The following HS3ST1 variants were observed in gnomAD, a reference collection of about 807,000 sequenced individuals.
HS3ST1 encodes the protein heparan sulfate-glucosamine 3-sulfotransferase 1.
In HS3ST1, 8 loss-of-function variants were observed where a neutral mutation model predicts 20.7. The ratio of observed to expected loss-of-function variants is 0.39; its 90% confidence interval spans 0.23 to 0.70. HS3ST1 has a LOEUF of 0.70. Ranked by LOEUF, HS3ST1 falls within the 30% of genes least tolerant of loss-of-function variation. HS3ST1 has a pLI of 0.46. For synonymous variants in HS3ST1, 205 were observed against 190.4 expected (o/e 1.08, Z -0.63); for missense variants, 436 against 423.4 (o/e 1.03, Z -0.26).
chr4:11,398,819 T>TC lies in HS3ST1; in HGVS notation c.*262dup, dbSNP rs1718217233. 1.4e-5 allele frequency: 4 copies of TC among 286,548 alleles called. No homozygotes were observed. Among genetic ancestry groups the TC allele is most frequent in the Non-Finnish European group, 1.3e-5 (2 of 157,418 alleles). 17.8% of individuals were successfully genotyped at this position (286,548 alleles called of 1,614,324 possible). A position where few individuals can be genotyped will look rare whatever the true frequency, so the allele number is the denominator to read the frequency against. ...TCCAGAAAAAATCTTTTTTTTTTTTTCAGTGAAATAGTTTAGTTCCTTCAT... is the reference window on the plus strand; with the variant it reads ...TCCAGAAAAAATCTTTTTTTTTTTTTCCAGTGAAATAGTTTAGTTCCTTCAT... On this transcript the variant is annotated 3_prime_UTR_variant, in exon 2 of 2. Coordinates refer to ENST00000002596, the MANE Select transcript of HS3ST1 (RefSeq NM_005114.4).
chr4:11,410,506 T>C (rs1000840980), intron 1 of HS3ST1, among the ~76,000 whole-genome samples: 2 of 152,116 alleles, frequency 1.3e-5, no homozygotes, highest in Non-Finnish European at 2.9e-5. Flanking sequence ...AGATATGCTG[T>C]GGGGAGCACA....
At chr4:11,430,525 G>A (rs1476409534), upstream of HS3ST1, among the ~76,000 whole-genome samples, 1 of 152,174 alleles carries the variant, frequency 6.6e-6, no homozygotes, top group Non-Finnish European at 1.5e-5. Context: ...CAGATCATGA[G>A]TCCTTCAAAA....
intron 1 of HS3ST1, among the ~76,000 whole-genome samples, chr4:11,426,813 G>T (rs58059313): frequency 6.6e-6 from 1 of 152,240 alleles, no homozygotes; most frequent in African/African-American, 2.4e-5. Context: ...TCTCTGCTTA[G>T]CGCTGGAGAA....
chr4:11,423,139 G>C (rs1312447150), intron 1 of HS3ST1, among the ~76,000 whole-genome samples: 1 of 148,270 alleles, frequency 6.7e-6, no homozygotes, highest in Non-Finnish European at 1.5e-5. Context: ...CTAATCATTT[G>C]AGATCATGTT....
intron 1 of HS3ST1, among the ~76,000 whole-genome samples, chr4:11,413,838 A>C (rs547025442): frequency 2.3e-4 from 35 of 152,286 alleles, no homozygotes; most frequent in South Asian, 8.3e-4. Context: ...ATGAGATAAG[A>C]AGAAGGATAG....
At chr4:11,421,532 TTCTC>T (rs1718935067) in intron 1 of HS3ST1, among the ~76,000 whole-genome samples, 1 of 152,190 alleles carries the variant, frequency 6.6e-6, no homozygotes, top group African/African-American at 2.4e-5. Context: ...GAAATCACCT[TTCTC>T]TCACTGTATT....
chr4:11,414,191 C>G (rs539099385), intron 1 of HS3ST1: 103 of 152,312 alleles, frequency 6.8e-4, no homozygotes, highest in African/African-American at 2.3e-3. Context: ...GCTCTTTATT[C>G]TGTCATGTTC....
chr4:11,413,713 A>T (rs1718694760), intron 1 of HS3ST1, among the ~76,000 whole-genome samples: 1 of 152,136 alleles, frequency 6.6e-6, no homozygotes, highest in South Asian at 2.1e-4. Flanking sequence ...TGATCACCTT[A>T]GGGTTAGGGC....
chr4:11,413,321 G>A (rs1392469198), intron 1 of HS3ST1, among the ~76,000 whole-genome samples: 1 of 152,058 alleles, frequency 6.6e-6, no homozygotes, highest in African/African-American at 2.4e-5. Flanking sequence ...GCTGGAGGAA[G>A]GCAGTTTGCT....
At chr4:11,408,830 G>A (rs956707253) in intron 1 of HS3ST1, among the ~76,000 whole-genome samples, 9 of 152,200 alleles carry the variant, frequency 5.9e-5, no homozygotes, top group African/African-American at 2.2e-4. Flanking sequence ...GGCCCACAGT[G>A]GGGTGCATGG....
chr4:11,398,384 C>T lies in HS3ST1; in HGVS notation c.*698G>A, dbSNP rs1347272564. On this transcript the variant is annotated 3_prime_UTR_variant, in exon 2 of 2. Coordinates refer to ENST00000002596, the MANE Select transcript of HS3ST1 (RefSeq NM_005114.4). ...CATTCTGAAGGCCAAGGGTTTAATCCTCTTTATTATAACTGCTGAGATCAG... is the reference window on the plus strand; with the variant it reads ...CATTCTGAAGGCCAAGGGTTTAATCTTCTTTATTATAACTGCTGAGATCAG... 6.6e-6 allele frequency: 1 copy of T among 152,176 alleles called. No individual in the cohort carries two copies. The highest frequency in any genetic ancestry group is 1.5e-5 in the Non-Finnish European group (1 of 68,036). The allele number at this position is 152,176 out of a possible 1,614,324, so 9.4% of individuals were successfully genotyped here.
intron 1 of HS3ST1, among the ~76,000 whole-genome samples, chr4:11,408,680 C>G (rs190086249): frequency 2.0e-5 from 3 of 152,358 alleles, no homozygotes; most frequent in East Asian, 3.9e-4. Flanking sequence ...TCATTAGAAG[C>G]AGAAACACAC....
chr4:11,410,873 C>T (rs1390662743), intron 1 of HS3ST1, among the ~76,000 whole-genome samples: 1 of 150,370 alleles, frequency 6.7e-6, no homozygotes, highest in Non-Finnish European at 1.5e-5. Context: ...GCCTGGGCAA[C>T]AGAGCGAGAC....
chr4:11,407,564 G>A (rs888543885), intron 1 of HS3ST1, among the ~76,000 whole-genome samples: 11 of 152,164 alleles, frequency 7.2e-5, no homozygotes, highest in African/African-American at 2.2e-4. Flanking sequence ...AAATGAGAAT[G>A]ATAAATGCAA....
chr4:11,430,892 A>G (rs957010878), upstream of HS3ST1, among the ~76,000 whole-genome samples: 29 of 152,184 alleles, frequency 1.9e-4, no homozygotes, highest in African/African-American at 5.1e-4. Context: ...TCGATAATCT[A>G]TGTTCTTACA....
intron 1 of HS3ST1, among the ~76,000 whole-genome samples, chr4:11,404,827 A>G (rs570968901): frequency 2.6e-5 from 4 of 152,378 alleles, no homozygotes; most frequent in East Asian, 3.9e-4. Flanking sequence ...AGCAATTGCT[A>G]CTGAGCAGGC....
chr4:11,410,440 C>T (rs1718589644), intron 1 of HS3ST1, among the ~76,000 whole-genome samples: 1 of 152,180 alleles, frequency 6.6e-6, no homozygotes, highest in African/African-American at 2.4e-5. Flanking sequence ...AGCATTCATT[C>T]AGGGCAGTAG....
At chr4:11,410,355 A>G (rs542080762) in intron 1 of HS3ST1, among the ~76,000 whole-genome samples, 6 of 152,198 alleles carry the variant, frequency 3.9e-5, no homozygotes, top group Admixed American at 2.0e-4. Flanking sequence ...GCCTCGAAGG[A>G]CCTCACAGCA....
chr4:11,419,021 C>T (rs111411763), intron 1 of HS3ST1, among the ~76,000 whole-genome samples: 383 of 152,172 alleles, frequency 2.5e-3, no homozygotes, highest in Non-Finnish European at 4.4e-3. Flanking sequence ...GGTCTGGCTG[C>T]GTTGGGGTTT....
Sources: gnomAD v4.1 joint callset for allele counts (sites outside exome capture counted in the v4.1 genomes callset) on GRCh38, gnomAD v4.1.1 for gene constraint, MANE v1.5 for transcripts, NCBI Gene and HGNC (gene_info 2026-07-23, HGNC 2026-07-21) for gene names.